The following PPP6R2 variants were observed in gnomAD, a reference collection of about 807,000 sequenced individuals.
PPP6R2 encodes serine/threonine-protein phosphatase 6 regulatory subunit 2.
PPP6R2 carries 62 observed loss-of-function variants against 100.2 expected under a neutral mutation model. The observed-to-expected ratio is 0.62, with a 90% confidence interval of 0.50 to 0.76. The LOEUF is 0.76. Ranked by LOEUF, PPP6R2 falls within the 30% of genes least tolerant of loss-of-function variation. The pLI, the probability that PPP6R2 is intolerant of heterozygous loss-of-function variation, is 0.00. For missense variants in PPP6R2, 1,142 were observed against 1,276.3 expected, an observed-to-expected ratio of 0.89 and a Z score of 1.60; for synonymous variants, 525 against 514.7, an observed-to-expected ratio of 1.02 and a Z score of -0.27.
At chr22:50,371,703 G>C (rs12168211) in intron 1 of PPP6R2, among the ~76,000 whole-genome samples, 16,470 of 151,980 alleles carry the variant, frequency 0.11, 2,609 homozygotes, top group African/African-American at 0.35. Flanking sequence ...GCAGTGGCAT[G>C]ATCTCAGCTC....
chr22:50,433,487 C>T, intron 12 of PPP6R2, among the ~76,000 whole-genome samples: 1 of 63,478 alleles, frequency 1.6e-5, no homozygotes, highest in East Asian at 1.3e-3. Flanking sequence ...GGGGTGCGGA[C>T]GCTGGGCAGG....
the PPP6R2 span, among the ~76,000 whole-genome samples, chr22:50,330,951 G>A: frequency 7.9e-5 from 12 of 152,150 alleles, no homozygotes; most frequent in East Asian, 7.7e-4. Flanking sequence ...CTGGATTTTC[G>A]TCCCATAAGA....
the PPP6R2 span, among the ~76,000 whole-genome samples, chr22:50,337,728 G>A: frequency 6.9e-6 from 1 of 144,924 alleles, no homozygotes; most frequent in Non-Finnish European, 1.5e-5. Context: ...TGTACTGTGT[G>A]GTATGTAGTG....
chr22:50,415,072 G>T (rs2060337651), intron 5 of PPP6R2, among the ~76,000 whole-genome samples: 1 of 152,204 alleles, frequency 6.6e-6, no homozygotes, highest in African/African-American at 2.4e-5. Flanking sequence ...GGAGAGCCCC[G>T]GTGGACAGCA....
At chr22:50,342,005 G>C (rs942037260), upstream of PPP6R2, among the ~76,000 whole-genome samples, 1 of 146,240 alleles carries the variant, frequency 6.8e-6, no homozygotes, top group African/African-American at 2.7e-5. Context: ...AAAAAAAAAA[G>C]AGGAGGAGAG....
At chr22:50,401,085 G>T (rs564030798) in intron 3 of PPP6R2, among the ~76,000 whole-genome samples, 6 of 152,178 alleles carry the variant, frequency 3.9e-5, no homozygotes, top group African/African-American at 1.4e-4. Flanking sequence ...TTTTTTAGAT[G>T]TGAGGTCTTG....
chr22:50,356,255 C>T (rs971720767), intron 1 of PPP6R2, among the ~76,000 whole-genome samples: 1 of 151,972 alleles, frequency 6.6e-6, no homozygotes, highest in South Asian at 2.1e-4. Flanking sequence ...CGAGCCACCA[C>T]GCCCGGCCTT....
chr22:50,377,491 T>C (rs1240545810), intron 2 of PPP6R2, among the ~76,000 whole-genome samples: 1 of 151,854 alleles, frequency 6.6e-6, no homozygotes, highest in Non-Finnish European at 1.5e-5. Flanking sequence ...TAACAAAATA[T>C]ATACAGTGAA....
At chr22:50,397,210 A>T (rs2057082929) in intron 3 of PPP6R2, among the ~76,000 whole-genome samples, 1 of 152,256 alleles carries the variant, frequency 6.6e-6, no homozygotes, top group African/African-American at 2.4e-5. Flanking sequence ...CCAGGTCAGG[A>T]TATCCATTTA....
chr22:50,367,892 G>T (rs1190139602), intron 1 of PPP6R2, among the ~76,000 whole-genome samples: 1 of 152,176 alleles, frequency 6.6e-6, no homozygotes, highest in East Asian at 1.9e-4. Context: ...GGCCCCGAAT[G>T]CCTGGCTGCG....
chr22:50,414,791 C>CTCTCCACCTAGCGTGCATT, intron 5 of PPP6R2, 102 bp downstream of exon 5: 1 of 1,328,284 alleles, frequency 7.5e-7, no homozygotes, highest in Non-Finnish European at 1.0e-6. Flanking sequence ...CGGCCCCCAT[C>CTCTCCACCTAGCGTGCATT]TCTCCACCTA....
In PPP6R2 at chr22:50,416,164, G is replaced by A. The variant is rs1223536404; in HGVS notation, c.618+7G>A. On this transcript the variant is annotated splice_region_variant and intron_variant, in intron 6 of 23. Transcript: ENST00000612753. ...CCCGAGCCAGGATGAAGATGTGAGTGTGCTGCTTACCGAGCTTCGTGCATC... is the reference window on the plus strand; with the variant it reads ...CCCGAGCCAGGATGAAGATGTGAGTATGCTGCTTACCGAGCTTCGTGCATC... The A allele has an allele frequency of 1.2e-6, 2 of 1,611,834 alleles. No homozygotes were observed. The highest frequency in any genetic ancestry group is 1.7e-6 in the Non-Finnish European group (2 of 1,178,212).
chr22:50,399,950 A>C lies in PPP6R2; in HGVS notation c.227+5815A>C, dbSNP rs534541139. On this transcript the variant is annotated intron_variant, in intron 3 of 23. Coordinates refer to ENST00000612753, the MANE Select transcript of PPP6R2 (RefSeq NM_001242898.2). ...TGAGCTCTTGTCTAGTTTGCTTGCC[A>C]AGATCTGGATTATTTGAGAAATAAG... Among the ~76,000 whole-genome samples, 3 of 152,370 alleles carry C rather than the reference A, an allele frequency of 2.0e-5. No homozygotes were observed. In the South Asian group the frequency reaches 6.2e-4, roughly 32 times the overall value.
the PPP6R2 span, among the ~76,000 whole-genome samples, chr22:50,334,313 T>C: frequency 6.6e-6 from 1 of 152,250 alleles, no homozygotes; most frequent in African/African-American, 2.4e-5. Flanking sequence ...AGAGGCCCTG[T>C]CCGGGCGTGA....
rs1176801048 is a variant in PPP6R2 at position 50,444,891 on chromosome 22, G to A, written c.*644G>A. 6.5e-6 allele frequency: 1 copy of A among 153,154 alleles called. No individual in the cohort carries two copies. The highest frequency in any genetic ancestry group is 1.5e-5 in the Non-Finnish European group (1 of 68,560). 9.5% of individuals were successfully genotyped at this position (153,154 alleles called of 1,614,324 possible). A position where few individuals can be genotyped will look rare whatever the true frequency, so the allele number is the denominator to read the frequency against. ...CAGCACAGGGTGCCTGGCAGGGGGA[G>A]ACCACAGGTATGCAGGTGGGGGGAC... is the stretch of plus-strand genomic sequence containing the variant. On this transcript the variant is annotated 3_prime_UTR_variant, in exon 24 of 24. Coordinates refer to ENST00000612753, the MANE Select transcript of PPP6R2 (RefSeq NM_001242898.2).
intron 1 of PPP6R2, among the ~76,000 whole-genome samples, chr22:50,347,428 A>T (rs1397690437): frequency 2.0e-5 from 3 of 151,854 alleles, no homozygotes; most frequent in Admixed American, 6.6e-5. Context: ...ACGGCTTGAG[A>T]TATCACCAGT....
chr22:50,346,343 C>T (rs114966781), intron 1 of PPP6R2, among the ~76,000 whole-genome samples: 2,046 of 22,530 alleles, frequency 0.091, 295 homozygotes, highest in African/African-American at 0.24. Context: ...AGTCAGTTCC[C>T]CCCGCAATCA....
chr22:50,399,147 TGA>T (rs1197605631), intron 3 of PPP6R2, among the ~76,000 whole-genome samples: 2 of 152,106 alleles, frequency 1.3e-5, no homozygotes, highest in Non-Finnish European at 2.9e-5. Flanking sequence ...CTTGGGAAGC[TGA>T]GAGAGTAAGT....
At chr22:50,439,098 C>T (rs573066526) in intron 19 of PPP6R2, among the ~76,000 whole-genome samples, 10 of 152,290 alleles carry the variant, frequency 6.6e-5, no homozygotes, top group South Asian at 2.1e-4. Flanking sequence ...CAGCACAGGC[C>T]GGCCGCCACC....
Sources: allele counts gnomAD v4.1 joint callset (sites outside exome capture counted in the v4.1 genomes callset), GRCh38; gene constraint gnomAD v4.1.1; transcripts MANE v1.5; gene names NCBI Gene and HGNC (gene_info 2026-07-23, HGNC 2026-07-21).